The following TBC1D19 variants were observed in gnomAD, a reference collection of about 807,000 sequenced individuals.
TBC1D19 encodes TBC1 domain family member 19.
TBC1D19 carries 60 observed loss-of-function variants against 89.0 expected under a neutral mutation model. That is an observed-to-expected ratio of 0.67 (90% CI 0.55 to 0.84). The LOEUF is 0.84. Among genes scored for constraint, TBC1D19 ranks in the 40% least tolerant of loss-of-function variants. TBC1D19 has a pLI of 0.00. For synonymous variants in TBC1D19, 189 were observed against 199.7 expected, an observed-to-expected ratio of 0.95 and a Z score of 0.45; for missense variants, 500 against 610.8, an observed-to-expected ratio of 0.82 and a Z score of 1.91.
intron 1 of TBC1D19, among the ~76,000 whole-genome samples, chr4:26,612,446 GT>G (rs1295847250): frequency 2.6e-5 from 4 of 151,888 alleles, no homozygotes; most frequent in African/African-American, 9.7e-5. Context: ...GATAAGACCA[GT>G]TTTTGATTTC....
chr4:26,637,049 A>AT (rs1211556468), intron 4 of TBC1D19, among the ~76,000 whole-genome samples, 162 bp from the exon 5 acceptor site: 1 of 152,180 alleles, frequency 6.6e-6, no homozygotes, highest in African/African-American at 2.4e-5. Context: ...AGTATCTGGC[A>AT]TATAGTAGGC....
the TBC1D19 span, among the ~76,000 whole-genome samples, chr4:26,794,597 A>T: frequency 1.6e-4 from 24 of 152,322 alleles, no homozygotes; most frequent in Middle Eastern, 3.4e-3. Flanking sequence ...GAAATTTTTT[A>T]AAAAACATTA....
At chr4:26,800,006 A>C in the TBC1D19 span, among the ~76,000 whole-genome samples, 1 of 151,970 alleles carries the variant, frequency 6.6e-6, no homozygotes, top group Non-Finnish European at 1.5e-5. Context: ...TTCTTTTTTT[A>C]AATTTTATTA....
At chr4:26,715,469 T>A (rs1716529732) in intron 13 of TBC1D19, among the ~76,000 whole-genome samples, 1 of 152,090 alleles carries the variant, frequency 6.6e-6, no homozygotes, top group Non-Finnish European at 1.5e-5. Flanking sequence ...GAGACGAGGA[T>A]ACCAAAGGAT....
At chr4:26,792,002 G>A in the TBC1D19 span, among the ~76,000 whole-genome samples, 1 of 152,130 alleles carries the variant, frequency 6.6e-6, no homozygotes, top group Non-Finnish European at 1.5e-5. Context: ...CATCAGAGGG[G>A]ACCCTCATAC....
chr4:26,832,156 A>G, the TBC1D19 span, among the ~76,000 whole-genome samples: 2 of 152,230 alleles, frequency 1.3e-5, no homozygotes, highest in Non-Finnish European at 2.9e-5. Context: ...GATAAGACAA[A>G]AATAAAACTA....
At chr4:26,849,141 A>C in the TBC1D19 span, among the ~76,000 whole-genome samples, 1 of 151,888 alleles carries the variant, frequency 6.6e-6, no homozygotes, top group Non-Finnish European at 1.5e-5. Flanking sequence ...GTGCCACTGC[A>C]CTCCAGCCTG....
At chr4:26,803,161 G>C in the TBC1D19 span, among the ~76,000 whole-genome samples, 1 of 152,076 alleles carries the variant, frequency 6.6e-6, no homozygotes, top group African/African-American at 2.4e-5. Context: ...CAGATTTCCT[G>C]GGTGCCAAGG....
At chr4:26,596,229 G>A (rs1740201894) in intron 1 of TBC1D19, among the ~76,000 whole-genome samples, 1 of 152,108 alleles carries the variant, frequency 6.6e-6, no homozygotes, top group East Asian at 1.9e-4. Context: ...AGTGCTGGGA[G>A]TACAGGCATG....
chr4:26,615,979 T>C (rs902692145), intron 3 of TBC1D19, among the ~76,000 whole-genome samples: 1 of 152,164 alleles, frequency 6.6e-6, no homozygotes, highest in African/African-American at 2.4e-5. Flanking sequence ...GGAGGGACTA[T>C]GTTTTATTCA....
intron 1 of TBC1D19, among the ~76,000 whole-genome samples, chr4:26,600,163 A>G (rs1740503971): frequency 6.6e-6 from 1 of 152,130 alleles, no homozygotes; most frequent in Admixed American, 6.6e-5. Flanking sequence ...AGAATTGCAA[A>G]AGGAAGGAAG....
intron 15 of TBC1D19, among the ~76,000 whole-genome samples, chr4:26,735,005 T>TATGTATATGTATATATGTATACACAC (rs1717921649): frequency 6.9e-6 from 1 of 145,738 alleles, no homozygotes; most frequent in South Asian, 2.2e-4. Context: ...TGTATACACA[T>TATGTATATGTATATATGTATACACAC]ATGTATATGT....
At chr4:26,785,787 C>T in the TBC1D19 span, among the ~76,000 whole-genome samples, 7 of 152,156 alleles carry the variant, frequency 4.6e-5, no homozygotes, top group African/African-American at 1.7e-4. Flanking sequence ...ACAACTGCTG[C>T]TTTTATCATT....
chr4:26,780,328 G>A, the TBC1D19 span, among the ~76,000 whole-genome samples: 4 of 152,246 alleles, frequency 2.6e-5, no homozygotes, highest in South Asian at 2.1e-4. Context: ...AAAACTGGTC[G>A]TCAGAACATA....
chr4:26,746,956 A>G (rs775976564), intron 18 of TBC1D19, among the ~76,000 whole-genome samples: 15 of 152,184 alleles, frequency 9.9e-5, no homozygotes, highest in Non-Finnish European at 1.9e-4. Context: ...CAGCATAGAT[A>G]CACCTGACAA....
downstream of TBC1D19, among the ~76,000 whole-genome samples, chr4:26,757,688 G>T (rs1180180232): frequency 6.6e-6 from 1 of 152,072 alleles, no homozygotes; most frequent in African/African-American, 2.4e-5. Flanking sequence ...CTCCTATTTT[G>T]CAGGGAAAAT....
chr4:26,827,913 T>C, the TBC1D19 span, among the ~76,000 whole-genome samples: 1 of 152,142 alleles, frequency 6.6e-6, no homozygotes, highest in African/African-American at 2.4e-5. Context: ...GAGATTAACG[T>C]AGGCCACCTG....
chr4:26,723,873 T>A (rs1717134514), intron 15 of TBC1D19, among the ~76,000 whole-genome samples: 1 of 152,146 alleles, frequency 6.6e-6, no homozygotes, highest in Non-Finnish European at 1.5e-5. Flanking sequence ...CAGTCAATCA[T>A]CAGTCAATCA....
chr4:26,696,406 A>T (rs1292473457), intron 13 of TBC1D19, among the ~76,000 whole-genome samples: 1 of 152,196 alleles, frequency 6.6e-6, no homozygotes, highest in African/African-American at 2.4e-5. Context: ...CACGATAATA[A>T]TGGGAGACTT....
Sources: gnomAD v4.1 joint callset for allele counts (sites outside exome capture counted in the v4.1 genomes callset) on GRCh38, gnomAD v4.1.1 for gene constraint, MANE v1.5 for transcripts, NCBI Gene and HGNC (gene_info 2026-07-23, HGNC 2026-07-21) for gene names.